Variants in ZPBP observed in about 807,000 individuals in gnomAD.
ZPBP encodes zona pellucida binding protein, also known as zona pellucida-binding protein 1.
ZPBP carries 26 observed loss-of-function variants against 44.8 expected under a neutral mutation model. The ratio of observed to expected loss-of-function variants is 0.58; its 90% CI spans 0.43 to 0.81. ZPBP has a LOEUF of 0.81. Ranked by LOEUF, ZPBP falls within the 30% of genes least tolerant of loss-of-function variation. The pLI is 0.00. For missense variants in ZPBP, 409 were observed against 434.0 expected, an observed-to-expected ratio of 0.94 and a Z score of 0.51; for synonymous variants, 174 against 153.2, an observed-to-expected ratio of 1.14 and a Z score of -1.00.
At chr7:49,934,595 G>A (rs1562784509), downstream of ZPBP, among the ~76,000 whole-genome samples, 2 of 151,912 alleles carry the variant, frequency 1.3e-5, no homozygotes, top group Non-Finnish European at 2.9e-5. Context: ...TGATTTTAAT[G>A]GCACAATAAT....
intron 7 of ZPBP, among the ~76,000 whole-genome samples, chr7:49,967,965 T>A (rs1440293858): frequency 6.6e-6 from 1 of 152,172 alleles, no homozygotes; most frequent in Non-Finnish European, 1.5e-5. Flanking sequence ...TATGTTCAAA[T>A]ACTAACTCCT....
intron 7 of ZPBP, among the ~76,000 whole-genome samples, chr7:49,959,855 A>G (rs561687544): frequency 6.6e-6 from 1 of 152,360 alleles, no homozygotes; most frequent in South Asian, 2.1e-4. Context: ...CTATAAAGCT[A>G]CAGTAATCAA....
chr7:49,961,252 C>T (rs938981097), intron 7 of ZPBP, among the ~76,000 whole-genome samples: 4 of 152,084 alleles, frequency 2.6e-5, no homozygotes, highest in African/African-American at 7.2e-5. Context: ...ACAAAATGTG[C>T]TATACCCATA....
At chr7:50,002,976 T>C (rs1371289964) in intron 6 of ZPBP, among the ~76,000 whole-genome samples, 1 of 152,174 alleles carries the variant, frequency 6.6e-6, no homozygotes, top group East Asian at 1.9e-4. Flanking sequence ...TATGTTTTCG[T>C]CCATGCAAAA....
At chr7:49,842,785 C>T in the ZPBP span, among the ~76,000 whole-genome samples, 3 of 152,192 alleles carry the variant, frequency 2.0e-5, no homozygotes, top group African/African-American at 7.2e-5. Flanking sequence ...AGCTTTAATA[C>T]ATGTCATCTA....
chr7:49,919,900 T>C (rs1358043766), intron 1 of ZPBP: 1 of 152,218 alleles, frequency 6.6e-6, no homozygotes, highest in Non-Finnish European at 1.5e-5. Flanking sequence ...TCTATATATG[T>C]TTTTGTAGGT....
chr7:49,929,559 G>A (rs1481571028), intron 1 of ZPBP, among the ~76,000 whole-genome samples: 1 of 152,182 alleles, frequency 6.6e-6, no homozygotes, highest in African/African-American at 2.4e-5. Flanking sequence ...ATAGCAGGAA[G>A]GTCTCACTGT....
intron 2 of ZPBP, among the ~76,000 whole-genome samples, chr7:49,857,877 T>C (rs1790487280): frequency 6.6e-6 from 1 of 152,198 alleles, no homozygotes; most frequent in Non-Finnish European, 1.5e-5. Context: ...GGTCTGAAAG[T>C]GGTGGTGAGG....
At chr7:50,014,890 T>C (rs1202939749) in intron 6 of ZPBP, among the ~76,000 whole-genome samples, 1 of 152,062 alleles carries the variant, frequency 6.6e-6, no homozygotes, top group African/African-American at 2.4e-5. Flanking sequence ...CTTCCTAAAA[T>C]CAAAAGATTG....
chr7:49,890,894 T>G (rs1327600459), intron 2 of ZPBP, among the ~76,000 whole-genome samples: 2 of 151,266 alleles, frequency 1.3e-5, no homozygotes, highest in Non-Finnish European at 2.9e-5. Flanking sequence ...AATAGGAAAC[T>G]CACAAGCCAG....
chr7:50,009,453 C>T (rs1271515661), intron 6 of ZPBP, among the ~76,000 whole-genome samples: 3 of 151,104 alleles, frequency 2.0e-5, no homozygotes, highest in African/African-American at 4.9e-5. Context: ...CTGCACCCCA[C>T]TTACCCCAGC....
At chr7:49,980,287 ATAAATATATAATATATATAATAT>A (rs1394959885) in intron 7 of ZPBP, among the ~76,000 whole-genome samples, 15 of 60,834 alleles carry the variant, frequency 2.5e-4, no homozygotes, top group South Asian at 5.1e-4. Context: ...TATATATAAT[ATAAATATATAATATATATAATAT>A]AAATATATAA....
At chr7:49,907,327 T>G (rs932560153) in intron 1 of ZPBP, among the ~76,000 whole-genome samples, 9 of 152,174 alleles carry the variant, frequency 5.9e-5, no homozygotes, top group African/African-American at 2.2e-4. Context: ...TATATGCCAG[T>G]GATAATACAA....
intron 1 of ZPBP, among the ~76,000 whole-genome samples, chr7:49,906,987 A>C (rs1236231637): frequency 6.6e-6 from 1 of 152,196 alleles, no homozygotes; most frequent in African/African-American, 2.4e-5. Flanking sequence ...GACCAGTTTC[A>C]AGTGACCCAT....
At chr7:49,901,859 C>G (rs1171642740) in intron 1 of ZPBP, among the ~76,000 whole-genome samples, 1 of 138,324 alleles carries the variant, frequency 7.2e-6, no homozygotes. Flanking sequence ...GAAATAGACT[C>G]AGATAAATAT....
At chr7:49,877,946 G>C (rs1784797466) in intron 2 of ZPBP, among the ~76,000 whole-genome samples, 1 of 151,950 alleles carries the variant, frequency 6.6e-6, no homozygotes, top group Admixed American at 6.6e-5. Flanking sequence ...TGTCATTTTG[G>C]GGTTTAGTGC....
intron 2 of ZPBP, among the ~76,000 whole-genome samples, chr7:49,874,003 A>AGT (rs147898113): frequency 3.1e-4 from 47 of 151,350 alleles, no homozygotes; most frequent in Non-Finnish European, 5.0e-4. Flanking sequence ...TATTGTTTGG[A>AGT]GTGTGTGTGT....
intron 6 of ZPBP, among the ~76,000 whole-genome samples, chr7:50,012,820 G>T (rs1300861781): frequency 1.3e-5 from 2 of 151,124 alleles, no homozygotes; most frequent in East Asian, 3.9e-4. Flanking sequence ...TAAATAAAAT[G>T]TACAAAAATA....
chr7:49,958,343 G>T (rs1237024977), intron 7 of ZPBP, among the ~76,000 whole-genome samples: 1 of 152,084 alleles, frequency 6.6e-6, no homozygotes, highest in Non-Finnish European at 1.5e-5. Context: ...TGAATTTTTG[G>T]GATCAAGGTC....
Sources: allele counts gnomAD v4.1 joint callset (sites outside exome capture counted in the v4.1 genomes callset), GRCh38; gene constraint gnomAD v4.1.1; transcripts MANE v1.5; gene names NCBI Gene and HGNC (gene_info 2026-07-23, HGNC 2026-07-21).